SLC10A2: variants seen among roughly 807,000 people sequenced by gnomAD.
SLC10A2 encodes the protein solute carrier family 10 member 2.
Under a neutral mutation model 27.1 loss-of-function variants are expected in SLC10A2, and 34 were observed. The ratio of observed to expected loss-of-function variants is 1.26; its 90% CI spans 0.96 to 1.67. The LOEUF (loss-of-function observed/expected upper bound fraction) is 1.67. SLC10A2 is among the 40% of genes most tolerant of loss of function. The pLI is 0.00. For synonymous variants in SLC10A2, 205 were observed against 174.0 expected, an observed-to-expected ratio of 1.18 and a Z score of -1.40; for missense variants, 530 against 444.4, an observed-to-expected ratio of 1.19 and a Z score of -1.73.
Position 103,051,373 on chromosome 13 carries a change from C to A in SLC10A2, c.645G>T (p.Leu215Phe), listed in dbSNP as rs200702684. The change falls in exon 4 of 6, where the codon TTG becomes TTT. Residue 215 changes from leucine to phenylalanine, a missense_variant. Physicochemically the swap from Leu to Phe is conservative, Grantham distance 22 (BLOSUM62 0). Transcript: ENST00000245312. ...IVLIAVVGGILYQSAWIIAPK... is the reference protein window; with the variant it reads ...IVLIAVVGGIFYQSAWIIAPK... ...GAGCAATGATCCAGGCGCTTTGGTA[C>A]AATATTCCTCCAACCACAGCTATGA... is the stretch of plus-strand genomic sequence containing the variant. 33 of 1,613,830 alleles carry A rather than the reference C, an allele frequency of 2.0e-5. No individual in the cohort carries two copies. In the South Asian group the frequency reaches 3.3e-4, roughly 16 times the overall value.
chr13:103,049,548 G>C (rs1875712866), intron 4 of SLC10A2, 102 bp from the exon 5 acceptor site: 1 of 1,140,838 alleles, frequency 8.8e-7, no homozygotes, highest in Admixed American at 2.0e-5. Flanking sequence ...TTATGTCTCT[G>C]CTTTTAATGC....
intron 3 of SLC10A2, 52 bp downstream of exon 3, chr13:103,052,568 T>A (rs369436208): frequency 1.3e-5 from 16 of 1,242,000 alleles, no homozygotes; most frequent in Non-Finnish European, 1.8e-5. Flanking sequence ...GAAAACCCTA[T>A]GGTTTTGATT....
At chr13:103,058,233 C>T (rs1352142407) in intron 2 of SLC10A2, 31 bp downstream of exon 2, 8 of 1,223,950 alleles carry the variant, frequency 6.5e-6, no homozygotes, top group Non-Finnish European at 9.7e-6. Context: ...TTGAGGGTAA[C>T]AGTCAACAGT....
rs1445201321 is a variant in SLC10A2 at position 103,045,211 on chromosome 13, A to C, written c.*922T>G. 1 of 151,996 alleles carries C rather than the reference A, an allele frequency of 6.6e-6. No individual in the cohort carries two copies. The highest frequency in any genetic ancestry group is 1.5e-5 in the Non-Finnish European group (1 of 68,052). 9.4% of individuals were successfully genotyped at this position (151,996 alleles called of 1,614,324 possible). ...CTAGAGTCTTGGTGTTTCTCTCAAT[A>C]CTTCTGTCTTTGCACCTCCTGCCAC... On this transcript the variant is annotated 3_prime_UTR_variant, in exon 6 of 6. Coordinates refer to ENST00000245312, the MANE Select transcript of SLC10A2 (RefSeq NM_000452.3).
intron 1 of SLC10A2, among the ~76,000 whole-genome samples, chr13:103,061,221 C>A (rs1328139681): frequency 6.6e-6 from 1 of 152,132 alleles, no homozygotes; most frequent in Non-Finnish European, 1.5e-5. Flanking sequence ...AATTGTACAC[C>A]AGACAAACAA....
At chr13:103,056,378 A>G (rs1875936940) in intron 2 of SLC10A2, among the ~76,000 whole-genome samples, 1 of 150,306 alleles carries the variant, frequency 6.7e-6, no homozygotes, top group Admixed American at 6.6e-5. Context: ...CTTTTCCTCC[A>G]TTGAAGTGCT....
At chr13:103,054,219 T>C (rs549962468) in intron 2 of SLC10A2, among the ~76,000 whole-genome samples, 9 of 152,284 alleles carry the variant, frequency 5.9e-5, no homozygotes, top group African/African-American at 2.2e-4. Flanking sequence ...CTTCCTCTGC[T>C]CCAGCCATGT....
chr13:103,052,333 C>T (rs1803714712), intron 3 of SLC10A2, among the ~76,000 whole-genome samples: 3 of 151,942 alleles, frequency 2.0e-5, no homozygotes. Flanking sequence ...TAAAGAAGGG[C>T]ATGCTAGGCT....
chr13:103,046,370 A>G (rs1875612043), intron 5 of SLC10A2, 110 bp from the exon 6 acceptor site: 2 of 905,490 alleles, frequency 2.2e-6, no homozygotes, highest in Non-Finnish European at 1.7e-6. Context: ...CATTTTCTGT[A>G]GACTGGAGGC....
rs556815125 is a variant in SLC10A2 at position 103,054,545 on chromosome 13, T to A, written c.497-1837A>T. On this transcript the variant is annotated intron_variant, in intron 2 of 5. Coordinates refer to ENST00000245312, the MANE Select transcript of SLC10A2 (RefSeq NM_000452.3). ...AAGTCCTGTGCTTGGAATGTTAGTG[T>A]GGTTAGGTTTTGGTCCTATATTTTA... Among the ~76,000 whole-genome samples the A allele has an allele frequency of 2.8e-4, 43 of 152,222 alleles. No individual in the cohort carries two copies. The South Asian group carries it at 5.2e-3, about 18-fold the overall frequency.
At position 103,052,743 on chromosome 13, in the gene SLC10A2, A is replaced by G. The variant is rs183771797; in HGVS notation, c.497-35T>C. ...ACAGAAGGGCAATGTGATCAGCAGA[A>G]CAGGTGACACAGGAAAGAGAAAAAC... On this transcript the variant is annotated intron_variant, in intron 2 of 5. Transcript: ENST00000245312. 480 of 1,244,480 alleles carry G rather than the reference A, an allele frequency of 3.9e-4. No homozygotes were observed. In the African/African-American group the frequency reaches 6.6e-3, roughly 17 times the overall value. The allele number at this position is 1,244,480 out of a possible 1,614,324, so 77.1% of individuals were successfully genotyped here. A position where few individuals can be genotyped will look rare whatever the true frequency, so the allele number is the denominator to read the frequency against.
chr13:103,058,479 T>C (rs139294561), intron 1 of SLC10A2, 97 bp from the exon 2 acceptor site: 23,380 of 778,230 alleles, frequency 0.03, 494 homozygotes, highest in Non-Finnish European at 0.039. Context: ...ATTTTAAGTT[T>C]AGGGGTATAT....
At chr13:103,051,215 T>A in intron 4 of SLC10A2, 42 bp downstream of exon 4, 1 of 1,596,950 alleles carries the variant, frequency 6.3e-7, no homozygotes, top group Non-Finnish European at 8.6e-7. Flanking sequence ...ACAACAGATA[T>A]TACAGATTAA....
In SLC10A2 at chr13:103,046,156, C is replaced by T. The variant is rs752749834; in HGVS notation, c.1024G>A (p.Gly342Arg). Residue 342 changes from glycine (G) to arginine (R), a missense_variant, in exon 6 of 6, where the codon GGA becomes AGA. Physicochemically the swap from Gly to Arg is moderately radical, Grantham distance 125. Coordinates refer to ENST00000245312, the MANE Select transcript of SLC10A2 (RefSeq NM_000452.3). ...GTCTACTTTTCGTCAGGTTGAAATC[C>T]TCCATTTGCCTTATAAAACGATGAC... Reference protein sequence around the residue: ...PESSFYKANGGFQPDEK With the variant: ...PESSFYKANGRFQPDEK 3.1e-6 allele frequency: 5 copies of T among 1,613,866 alleles called. No individual in the cohort carries two copies. Among genetic ancestry groups the T allele is most frequent in the Admixed American group, 1.7e-5 (1 of 60,008 alleles).
At chr13:103,056,765 A>C (rs1367205283) in intron 2 of SLC10A2, among the ~76,000 whole-genome samples, 2 of 152,058 alleles carry the variant, frequency 1.3e-5, no homozygotes, top group Non-Finnish European at 2.9e-5. Flanking sequence ...TATATATGAT[A>C]TTAAGGTTCT....
At chr13:103,052,110 G>A (rs1012654988) in intron 3 of SLC10A2, among the ~76,000 whole-genome samples, 19 of 152,084 alleles carry the variant, frequency 1.2e-4, no homozygotes, top group African/African-American at 4.3e-4. Context: ...TTAGTGAATG[G>A]GATTGCCAGG....
intron 1 of SLC10A2, among the ~76,000 whole-genome samples, chr13:103,058,789 A>G (rs1349571370): frequency 6.6e-6 from 1 of 152,214 alleles, no homozygotes; most frequent in Admixed American, 6.5e-5. Flanking sequence ...GACTTGATCT[A>G]GTCCATTTTT....
At position 103,051,428 on chromosome 13, in the gene SLC10A2, C is replaced by A; in HGVS notation, c.590G>T (p.Gly197Val). The A allele has an allele frequency of 6.2e-7, 1 of 1,613,550 alleles. No homozygotes were observed. The highest frequency in any genetic ancestry group is 8.5e-7 in the Non-Finnish European group (1 of 1,179,836). ...PQKAKIILKI[G>V]SIAGAILIVL... Reference sequence around the variant, plus strand: ...AATGAGGATGGCGCCCGCGATGGACCCAATCTGAAAAAAAAAGGAATAAGT... The same window carrying A: ...AATGAGGATGGCGCCCGCGATGGACACAATCTGAAAAAAAAAGGAATAAGT... The change falls in exon 4 of 6, where the codon GGG becomes GTG. Residue 197 changes from glycine to valine, a missense_variant. Gly to Val is a moderately radical substitution (Grantham distance 109). Coordinates refer to ENST00000245312, the MANE Select transcript of SLC10A2 (RefSeq NM_000452.3).
intron 2 of SLC10A2, among the ~76,000 whole-genome samples, chr13:103,053,331 C>T (rs763613867): frequency 6.6e-5 from 10 of 152,166 alleles, no homozygotes; most frequent in Non-Finnish European, 1.0e-4. Flanking sequence ...GTTGAGAAAG[C>T]GTGCTTTAAA....
Sources: allele counts gnomAD v4.1 joint callset (sites outside exome capture counted in the v4.1 genomes callset), GRCh38; gene constraint gnomAD v4.1.1; transcripts MANE v1.5; gene names NCBI Gene and HGNC (gene_info 2026-07-23, HGNC 2026-07-21).